The following KIFAP3 variants were observed in gnomAD, a reference collection of about 807,000 sequenced individuals.
The protein encoded by KIFAP3 is kinesin-associated protein 3.
A neutral mutation model predicts 106.5 loss-of-function variants in KIFAP3; 68 were observed. The observed-to-expected ratio is 0.64, with a 90% CI of 0.53 to 0.78. The LOEUF (loss-of-function observed/expected upper bound fraction) is 0.78, where lower values mean the gene tolerates loss of function less well. Ranked by LOEUF, KIFAP3 falls within the 30% of genes least tolerant of loss-of-function variation. The probability of loss-of-function intolerance (pLI) is 0.00; values close to 1 mark genes in which losing one functional copy is unlikely to be tolerated. For synonymous variants in KIFAP3, 320 were observed against 311.5 expected, an observed-to-expected ratio of 1.03 and a Z score of -0.29; for missense variants, 780 against 941.8, an observed-to-expected ratio of 0.83 and a Z score of 2.25.
At chr1:169,995,945 C>G (rs1667349743) in intron 10 of KIFAP3, among the ~76,000 whole-genome samples, 1 of 151,762 alleles carries the variant, frequency 6.6e-6, no homozygotes, top group East Asian at 1.9e-4. Flanking sequence ...CTTCCAAAGG[C>G]AAACTCAGGA....
intron 9 of KIFAP3, among the ~76,000 whole-genome samples, chr1:170,017,016 T>C (rs2102002733): frequency 6.6e-6 from 1 of 152,202 alleles, no homozygotes; most frequent in East Asian, 1.9e-4. Flanking sequence ...CCCAACACTT[T>C]GGGAGGCCGA....
At chr1:169,982,947 C>A in intron 13 of KIFAP3, 80 bp from the exon 14 acceptor site, 1 of 809,030 alleles carries the variant, frequency 1.2e-6, no homozygotes, top group East Asian at 3.4e-5. Flanking sequence ...AACAATTTAA[C>A]TCATTGAAAG....
chr1:169,950,440 CAT>C (rs1346700304), intron 19 of KIFAP3, among the ~76,000 whole-genome samples: 4 of 152,088 alleles, frequency 2.6e-5, no homozygotes, highest in African/African-American at 9.7e-5. Flanking sequence ...TTATCAAAGA[CAT>C]ATGAAGAAGA....
At chr1:169,987,150 G>T (rs1303890722) in intron 11 of KIFAP3, among the ~76,000 whole-genome samples, 2 of 151,980 alleles carry the variant, frequency 1.3e-5, no homozygotes, top group Admixed American at 1.3e-4. Flanking sequence ...TCTTTAATTT[G>T]ATTGCTATGA....
chr1:170,065,916 G>T (rs2183418), intron 1 of KIFAP3, among the ~76,000 whole-genome samples: 10,878 of 152,078 alleles, frequency 0.072, 438 homozygotes, highest in Non-Finnish European at 0.095. Context: ...TTAATGCAAT[G>T]ACTGACATAC....
chr1:170,047,511 C>T (rs1670319192), intron 2 of KIFAP3, among the ~76,000 whole-genome samples: 1 of 150,478 alleles, frequency 6.6e-6, no homozygotes, highest in Admixed American at 6.7e-5. Flanking sequence ...ATCCCAGCTA[C>T]TCGGGAGGTT....
chr1:169,924,333 T>C (rs1663003170), intron 19 of KIFAP3, among the ~76,000 whole-genome samples: 1 of 152,216 alleles, frequency 6.6e-6, no homozygotes, highest in Admixed American at 6.5e-5. Flanking sequence ...CTGTGTGTAT[T>C]ACAGTGTAGA....
At chr1:170,052,066 CA>C (rs1286957076) in intron 2 of KIFAP3, among the ~76,000 whole-genome samples, 2 of 151,024 alleles carry the variant, frequency 1.3e-5, no homozygotes, top group African/African-American at 2.4e-5. Flanking sequence ...GCTGTTTTTT[CA>C]AAAAAATTAA....
At chr1:170,009,021 G>T (rs1183396802) in intron 10 of KIFAP3, among the ~76,000 whole-genome samples, 1 of 152,152 alleles carries the variant, frequency 6.6e-6, no homozygotes, top group Non-Finnish European at 1.5e-5. Flanking sequence ...CACAGGAACA[G>T]AAAATCAAAC....
chr1:170,058,184 CCATT>C (rs1411376169), intron 1 of KIFAP3, among the ~76,000 whole-genome samples: 5 of 152,026 alleles, frequency 3.3e-5, no homozygotes, highest in Non-Finnish European at 4.4e-5. Flanking sequence ...GTGTTGCCAC[CCATT>C]CATTATCAAT....
intron 19 of KIFAP3, among the ~76,000 whole-genome samples, chr1:169,940,563 A>G (rs1664051052): frequency 6.6e-6 from 1 of 152,108 alleles, no homozygotes; most frequent in African/African-American, 2.4e-5. Context: ...CACAACATAG[A>G]TCCCTAGCAT....
At chr1:170,048,938 T>C (rs1487019637) in intron 2 of KIFAP3, among the ~76,000 whole-genome samples, 1 of 152,152 alleles carries the variant, frequency 6.6e-6, no homozygotes, top group East Asian at 1.9e-4. Context: ...CAGAAGTGTT[T>C]TTCTTACCCC....
chr1:169,953,304 G>C (rs1445858257), intron 19 of KIFAP3, among the ~76,000 whole-genome samples: 1 of 151,944 alleles, frequency 6.6e-6, no homozygotes, highest in South Asian at 2.1e-4. Flanking sequence ...GGGAGGAAAA[G>C]TCTTCAATTT....
intron 19 of KIFAP3, among the ~76,000 whole-genome samples, chr1:169,937,989 T>C (rs1571523028): frequency 6.6e-6 from 1 of 152,026 alleles, no homozygotes; most frequent in African/African-American, 2.4e-5. Flanking sequence ...TTGCTATTAT[T>C]AATGAGATAT....
intron 11 of KIFAP3, chr1:169,990,219 T>A: frequency 4.4e-6 from 5 of 1,144,296 alleles, no homozygotes; most frequent in Non-Finnish European, 5.9e-6. Context: ...AATTCTGGCA[T>A]TTTTGAAATA....
chr1:169,946,403 G>A (rs907170110), intron 19 of KIFAP3, among the ~76,000 whole-genome samples: 1 of 152,114 alleles, frequency 6.6e-6, no homozygotes, highest in African/African-American at 2.4e-5. Context: ...ATGTCATGTT[G>A]CACAACAAAA....
chr1:170,036,717 C>T (rs1669710133), intron 5 of KIFAP3, among the ~76,000 whole-genome samples: 1 of 152,016 alleles, frequency 6.6e-6, no homozygotes, highest in African/African-American at 2.4e-5. Context: ...CAGAACTGTT[C>T]TATAATGTCA....
chr1:169,978,004 G>GC, intron 16 of KIFAP3, 81 bp downstream of exon 16: 1 of 575,094 alleles, frequency 1.7e-6, no homozygotes, highest in Non-Finnish European at 2.8e-6. Context: ...TTCAACATTT[G>GC]CAAAAAAAAA....
intron 8 of KIFAP3, among the ~76,000 whole-genome samples, chr1:170,026,889 A>C (rs1284748355): frequency 6.6e-6 from 1 of 152,202 alleles, no homozygotes; most frequent in Non-Finnish European, 1.5e-5. Flanking sequence ...ACAAATTATA[A>C]GATTAAGATC....
Sources: gnomAD v4.1 joint callset for allele counts (sites outside exome capture counted in the v4.1 genomes callset) on GRCh38, gnomAD v4.1.1 for gene constraint, MANE v1.5 for transcripts, NCBI Gene and HGNC (gene_info 2026-07-23, HGNC 2026-07-21) for gene names.